Variants in RERE observed in about 807,000 individuals in gnomAD.
RERE encodes the protein arginine-glutamic acid dipeptide repeats, also known as arginine-glutamic acid dipeptide repeats protein.
In RERE, 40 loss-of-function variants were observed where a neutral mutation model predicts 146.1. That is an observed-to-expected ratio of 0.27 (90% CI 0.21 to 0.36). The LOEUF (loss-of-function observed/expected upper bound fraction) is 0.36, where lower values mean the gene tolerates loss of function less well. Among genes scored for constraint, RERE ranks in the 10% least tolerant of loss-of-function variants. RERE has a pLI of 1.00. For synonymous variants in RERE, 1,003 were observed against 866.0 expected (o/e 1.16, Z -2.78); for missense variants, 1,933 against 2,138.7 (o/e 0.90, Z 1.90).
intron 12 of RERE, among the ~76,000 whole-genome samples, chr1:8,393,413 C>T (rs981671493): frequency 3.3e-5 from 5 of 152,118 alleles, no homozygotes; most frequent in African/African-American, 1.2e-4. Flanking sequence ...CTGATTGGAC[C>T]GTAGCATGAC....
intron 2 of RERE, among the ~76,000 whole-genome samples, chr1:8,652,006 T>G (rs1249436561): frequency 6.6e-6 from 1 of 152,032 alleles, no homozygotes; most frequent in Non-Finnish European, 1.5e-5. Context: ...GATTCTTCAG[T>G]TTAAGTAACC....
At chr1:8,429,216 TA>T (rs1644060438) in intron 11 of RERE, among the ~76,000 whole-genome samples, 1 of 152,156 alleles carries the variant, frequency 6.6e-6, no homozygotes, top group South Asian at 2.1e-4. Flanking sequence ...GTGGGAAAAG[TA>T]ACCATGTATC....
chr1:8,598,026 G>A (rs11121205), intron 4 of RERE, among the ~76,000 whole-genome samples: 94,635 of 151,986 alleles, frequency 0.62, 29,862 homozygotes, highest in East Asian at 0.83. Flanking sequence ...TCTCTTTCCC[G>A]CCTCATGGGG....
chr1:8,412,647 T>G (rs1643645455), intron 12 of RERE, among the ~76,000 whole-genome samples: 1 of 152,146 alleles, frequency 6.6e-6, no homozygotes, highest in East Asian at 1.9e-4. Context: ...CTGAGAAAAA[T>G]AAACAATGGA....
At chr1:8,371,210 T>A (rs998779852) in intron 12 of RERE, among the ~76,000 whole-genome samples, 1 of 152,188 alleles carries the variant, frequency 6.6e-6, no homozygotes, top group Non-Finnish European at 1.5e-5. Flanking sequence ...AGATTCTCTC[T>A]CCTTTCCTTT....
intron 2 of RERE, among the ~76,000 whole-genome samples, chr1:8,647,651 G>GTGTGTGTATA (rs1647387085): frequency 1.3e-5 from 2 of 150,388 alleles, no homozygotes; most frequent in Admixed American, 1.3e-4. Context: ...ATGTGTGTGT[G>GTGTGTGTATA]TGTGTGTGTG....
chr1:8,673,770 G>A (rs186905478), intron 1 of RERE, among the ~76,000 whole-genome samples: 6 of 152,232 alleles, frequency 3.9e-5, no homozygotes, highest in Admixed American at 3.3e-4. Context: ...TTTGGCTGGC[G>A]CAGTGGCTCA....
chr1:8,488,309 G>A (rs935078253), intron 10 of RERE, among the ~76,000 whole-genome samples: 1 of 151,960 alleles, frequency 6.6e-6, no homozygotes. Context: ...GCAATGGCAC[G>A]GTTTCGGCTG....
intron 20 of RERE, 109 bp downstream of exon 20, chr1:8,358,087 G>A: frequency 6.7e-7 from 1 of 1,486,864 alleles, no homozygotes. Context: ...CAGGGATGAG[G>A]GATCTGTTCA....
At position 8,764,060 on chromosome 1, in the gene RERE, T is replaced by C. The variant is rs572925571; in HGVS notation, c.-145+53100A>G. Among the ~76,000 whole-genome samples the C allele has an allele frequency of 3.3e-5, 5 of 152,228 alleles. No individual in the cohort carries two copies. The South Asian group carries it at 1.0e-3, about 32-fold the overall frequency. On this transcript the variant is annotated intron_variant, in intron 1 of 22. Transcript: ENST00000400908. ...AAGACCTCTGCCACCAGCTGCAGTG[T>C]ACCAATCCTAGGAGGCTATTTCTCA... is the stretch of plus-strand genomic sequence containing the variant.
chr1:8,724,892 A>AC (rs1639930700), intron 1 of RERE, among the ~76,000 whole-genome samples: 1 of 146,458 alleles, frequency 6.8e-6, no homozygotes, highest in African/African-American at 2.5e-5. Flanking sequence ...AAAAAAAAAC[A>AC]ACTCAACCTT....
At chr1:8,740,197 GAT>G (rs1640281040) in intron 1 of RERE, among the ~76,000 whole-genome samples, 1 of 152,204 alleles carries the variant, frequency 6.6e-6, no homozygotes. Context: ...GTGTGAACAT[GAT>G]AGAGTGTAGT....
chr1:8,726,152 T>C (rs796600636), intron 1 of RERE, among the ~76,000 whole-genome samples: 29 of 113,332 alleles, frequency 2.6e-4, no homozygotes, highest in East Asian at 1.1e-3. Flanking sequence ...CTTTTCTTTT[T>C]TTTTTTTTTT....
At chr1:8,758,894 A>G (rs1259751895) in intron 1 of RERE, among the ~76,000 whole-genome samples, 1 of 152,180 alleles carries the variant, frequency 6.6e-6, no homozygotes, top group Non-Finnish European at 1.5e-5. Context: ...TACTCATTTT[A>G]GCCATTCCAC....
chr1:8,500,983 C>T (rs1192622578), intron 8 of RERE, among the ~76,000 whole-genome samples: 3 of 140,314 alleles, frequency 2.1e-5, no homozygotes, highest in Non-Finnish European at 3.1e-5. Flanking sequence ...GCAGCCACCC[C>T]GTCTGGGAAG....
At chr1:8,666,873 A>T (rs1638587508) in intron 1 of RERE, among the ~76,000 whole-genome samples, 1 of 152,198 alleles carries the variant, frequency 6.6e-6, no homozygotes, top group Non-Finnish European at 1.5e-5. Flanking sequence ...CCCCTGCACG[A>T]TTCTCTACCT....
intron 12 of RERE, among the ~76,000 whole-genome samples, chr1:8,368,405 C>T (rs555864920): frequency 8.0e-5 from 12 of 149,940 alleles, no homozygotes; most frequent in Non-Finnish European, 1.3e-4. Flanking sequence ...ACCCGGGAAG[C>T]GGAGCTTGCA....
chr1:8,437,526 TC>T (rs1041329987), intron 11 of RERE, among the ~76,000 whole-genome samples: 1 of 150,928 alleles, frequency 6.6e-6, no homozygotes, highest in Non-Finnish European at 1.5e-5. Flanking sequence ...TTCAAGAGAG[TC>T]CCCCAAGGGA....
At chr1:8,556,394 A>T (rs1325581281) in intron 6 of RERE, 81 bp downstream of exon 6, 8 of 840,528 alleles carry the variant, frequency 9.5e-6, no homozygotes, top group African/African-American at 1.7e-5. Flanking sequence ...GTGACTACTA[A>T]AAGATCAGGA....
Sources: allele counts gnomAD v4.1 joint callset (sites outside exome capture counted in the v4.1 genomes callset), GRCh38; gene constraint gnomAD v4.1.1; transcripts MANE v1.5; gene names NCBI Gene and HGNC (gene_info 2026-07-23, HGNC 2026-07-21).